Variants in MORC3 observed in about 807,000 individuals in gnomAD.
The protein encoded by MORC3 is MORC family CW-type zinc finger protein 3.
Under a neutral mutation model 109.1 loss-of-function variants are expected in MORC3, and 31 were observed. The ratio of observed to expected loss-of-function variants is 0.28; its 90% CI spans 0.21 to 0.38. The LOEUF (loss-of-function observed/expected upper bound fraction) is 0.38. Among genes scored for constraint, MORC3 ranks in the 10% least tolerant of loss-of-function variants. The pLI, the probability that MORC3 is intolerant of heterozygous loss-of-function variation, is 1.00. For missense variants in MORC3, 867 were observed against 1,135.8 expected (o/e 0.76, Z 3.40); for synonymous variants, 395 against 380.7 (o/e 1.04, Z -0.44).
chr21:36,332,906 G>C (rs574102649), intron 1 of MORC3, among the ~76,000 whole-genome samples: 80 of 151,414 alleles, frequency 5.3e-4, no homozygotes, highest in Middle Eastern at 3.4e-3. Flanking sequence ...TCCTGCCTCA[G>C]CCTCCCGAGT....
At position 36,338,625 on chromosome 21, in the gene MORC3, A is replaced by C. The variant is rs2085400191; in HGVS notation, c.461-149A>C. The C allele has an allele frequency of 4.1e-6, 3 of 724,888 alleles. No individual in the cohort carries two copies. The Admixed American group carries it at 9.6e-5, about 23-fold the overall frequency. 44.9% of individuals were successfully genotyped at this position (724,888 alleles called of 1,614,324 possible). ...GATCATGTTACTGCACTCTAGCCTA[A>C]GCAATAGTGAGACCCTATCTCACAA... is the stretch of plus-strand genomic sequence containing the variant. On this transcript the variant is annotated intron_variant, in intron 4 of 16. Coordinates refer to ENST00000400485, the MANE Select transcript of MORC3 (RefSeq NM_015358.3).
At chr21:36,322,664 G>T (rs117637537) in intron 1 of MORC3, among the ~76,000 whole-genome samples, 3,981 of 152,260 alleles carry the variant, frequency 0.026, 70 homozygotes, top group Admixed American at 0.046. Context: ...GAGCCACTGT[G>T]CCCGGCCCAA....
rs558881712 is a variant in MORC3, at chr21:36,337,295, A to G, written c.245+289A>G. 3.5e-4 allele frequency among the ~76,000 whole-genome samples: 53 copies of G among 152,262 alleles called. 1 individual carries two copies. The highest frequency in any genetic ancestry group is 6.0e-4 in the Non-Finnish European group (41 of 68,016). On this transcript the variant is annotated intron_variant, in intron 3 of 16. Transcript: ENST00000400485. ...ACTTTAGTGTAAATTAGGTTTAACC[A>G]TTGTTTGTAATAAAACCTACCACTT...
chr21:36,373,650 C>T (rs1015141931), intron 16 of MORC3, among the ~76,000 whole-genome samples: 7 of 151,034 alleles, frequency 4.6e-5, no homozygotes, highest in African/African-American at 7.3e-5. Context: ...GGTATGGGAA[C>T]GATTAAAGTA....
intron 16 of MORC3, among the ~76,000 whole-genome samples, chr21:36,373,972 C>G (rs2085900638): frequency 6.6e-6 from 1 of 152,172 alleles, no homozygotes; most frequent in African/African-American, 2.4e-5. Context: ...TATTCATAAA[C>G]TTGGAAGGCA....
chr21:36,335,748 G>C (rs2146297395), intron 2 of MORC3, among the ~76,000 whole-genome samples: 1 of 152,296 alleles, frequency 6.6e-6, no homozygotes, highest in Middle Eastern at 3.4e-3. Flanking sequence ...GTTTAACTTG[G>C]TTAAACTGAA....
chr21:36,328,033 G>C (rs1301255210), intron 1 of MORC3, among the ~76,000 whole-genome samples: 1 of 151,712 alleles, frequency 6.6e-6, no homozygotes, highest in Non-Finnish European at 1.5e-5. Flanking sequence ...TGTGCCACCA[G>C]GTCTAGCTAA....
intron 9 of MORC3, among the ~76,000 whole-genome samples, chr21:36,349,856 G>A (rs1197696285): frequency 3.9e-5 from 6 of 152,190 alleles, no homozygotes; most frequent in African/African-American, 1.4e-4. Flanking sequence ...TTATGTTGTT[G>A]GAGCTAGCAG....
At position 36,362,131 on chromosome 21, in the gene MORC3, T is replaced by C; in HGVS notation, c.1407-52T>C. On this transcript the variant is annotated intron_variant, in intron 12 of 16. Transcript: ENST00000400485. ...AACTGCATAAATGGCAGGTATGTCA[T>C]TGGGAAATGGGATTGAGAAATAACA... 5 of 1,583,844 alleles carry C rather than the reference T, an allele frequency of 3.2e-6. No homozygotes were observed. The South Asian group carries it at 4.5e-5, about 14-fold the overall frequency.
intron 8 of MORC3, among the ~76,000 whole-genome samples, chr21:36,347,326 G>GAACTTT (rs2085520348): frequency 1.3e-5 from 2 of 152,140 alleles, no homozygotes; most frequent in Non-Finnish European, 2.9e-5. Context: ...AGAAGTAAAT[G>GAACTTT]AACTTTATGT....
chr21:36,326,173 C>G (rs1039566814), intron 1 of MORC3, among the ~76,000 whole-genome samples: 2 of 151,904 alleles, frequency 1.3e-5, no homozygotes, highest in Non-Finnish European at 2.9e-5. Flanking sequence ...CGCCATTGCA[C>G]TCTAGCCTGG....
chr21:36,347,273 T>C (rs1375609118), intron 8 of MORC3, among the ~76,000 whole-genome samples: 2 of 152,232 alleles, frequency 1.3e-5, no homozygotes, highest in Non-Finnish European at 2.9e-5. Flanking sequence ...TGACTCTGCT[T>C]CACCTACTTT....
intron 16 of MORC3, among the ~76,000 whole-genome samples, chr21:36,373,996 C>A (rs1008639113): frequency 6.6e-6 from 1 of 152,166 alleles, no homozygotes; most frequent in South Asian, 2.1e-4. Context: ...TTATCTTAAT[C>A]TATGGTTTCC....
chr21:36,374,953 G>A (rs78643091), intron 16 of MORC3, among the ~76,000 whole-genome samples, 190 bp from the exon 17 acceptor site: 3,768 of 152,238 alleles, frequency 0.025, 66 homozygotes, highest in Admixed American at 0.046. Context: ...TACAGGCATG[G>A]GCAAGTGCAC....
intron 15 of MORC3, 22 bp from the exon 16 acceptor site, chr21:36,372,352 A>G (rs778410502): frequency 3.0e-5 from 46 of 1,531,146 alleles, no homozygotes; most frequent in Non-Finnish European, 3.8e-5. Context: ...ACAGTTATAA[A>G]GCTCATTTAT....
chr21:36,334,818 AT>A (rs1289478735), intron 2 of MORC3, among the ~76,000 whole-genome samples: 1 of 152,036 alleles, frequency 6.6e-6, no homozygotes, highest in Non-Finnish European at 1.5e-5. Context: ...ATGGGTCATG[AT>A]TTTTTTCTTG....
chr21:36,337,873 T>C lies in MORC3; in HGVS notation c.387T>C (p.Leu129=). ...ATGGAGAAAGCATGAGCGTGGGCCT[T>C]TTGTCTCAGACCTACTTGGAAGTCA... The part of the protein sequence containing the change: ...TKNGESMSVG[L]LSQTYLEVIK... Residue 129 remains leucine (L), a synonymous_variant, in exon 4 of 17, where the codon CTT becomes CTC. Coordinates refer to ENST00000400485, the MANE Select transcript of MORC3 (RefSeq NM_015358.3). The C allele has an allele frequency of 1.2e-6, 2 of 1,614,174 alleles. No homozygotes were observed. Among genetic ancestry groups the C allele is most frequent in the African/African-American group, 2.7e-5 (2 of 75,044 alleles).
chr21:36,321,092 A>G (rs2085189083), intron 1 of MORC3, among the ~76,000 whole-genome samples: 1 of 152,136 alleles, frequency 6.6e-6, no homozygotes, highest in Admixed American at 6.6e-5. Flanking sequence ...GAGGTTGTTG[A>G]CTTTTGCCAA....
chr21:36,341,982 C>A (rs2085453138), intron 6 of MORC3, among the ~76,000 whole-genome samples: 1 of 152,170 alleles, frequency 6.6e-6, no homozygotes, highest in Admixed American at 6.5e-5. Context: ...AATCCCAGCA[C>A]TTTGGGAGGC....
Sources: allele counts gnomAD v4.1 joint callset (sites outside exome capture counted in the v4.1 genomes callset), GRCh38; gene constraint gnomAD v4.1.1; transcripts MANE v1.5; gene names NCBI Gene and HGNC (gene_info 2026-07-23, HGNC 2026-07-21).